The following SLC30A8 variants were observed in gnomAD, a reference collection of about 807,000 sequenced individuals.
SLC30A8 encodes the protein solute carrier family 30 member 8, also known as proton-coupled zinc antiporter SLC30A8.
A neutral mutation model predicts 36.9 loss-of-function variants in SLC30A8; 27 were observed. The ratio of observed to expected loss-of-function variants is 0.73; its 90% CI spans 0.54 to 1.01. The LOEUF (loss-of-function observed/expected upper bound fraction) is 1.01. Ranked by LOEUF, SLC30A8 falls within the 50% of genes least tolerant of loss-of-function variation. The probability of loss-of-function intolerance (pLI) is 0.00; values close to 1 mark genes in which losing one functional copy is unlikely to be tolerated. For synonymous variants in SLC30A8, 164 were observed against 172.4 expected, an observed-to-expected ratio of 0.95 and a Z score of 0.38; for missense variants, 439 against 452.0, an observed-to-expected ratio of 0.97 and a Z score of 0.26.
At chr8:117,116,665 G>T (rs531999189) in intron 2 of SLC30A8, among the ~76,000 whole-genome samples, 1 of 151,986 alleles carries the variant, frequency 6.6e-6, no homozygotes, top group African/African-American at 2.4e-5. Flanking sequence ...TCCCAAACTG[G>T]TAGGTAACCT....
chr8:117,107,565 A>G (rs1402383756), intron 2 of SLC30A8, among the ~76,000 whole-genome samples: 7 of 152,200 alleles, frequency 4.6e-5, no homozygotes, highest in South Asian at 2.1e-4. Flanking sequence ...AGACGATACT[A>G]TCTCTTGGTG....
chr8:117,053,724 T>C (rs1337679735), intron 2 of SLC30A8, among the ~76,000 whole-genome samples: 11 of 152,180 alleles, frequency 7.2e-5, no homozygotes, highest in Non-Finnish European at 1.6e-4. Flanking sequence ...ATGAAAGCAA[T>C]GCATGCATAG....
chr8:116,963,181 A>G (rs1438831955), intron 1 of SLC30A8, among the ~76,000 whole-genome samples: 2 of 152,160 alleles, frequency 1.3e-5, no homozygotes, highest in East Asian at 3.8e-4. Flanking sequence ...CTAGAACCCA[A>G]GGCCCGTGAG....
intron 2 of SLC30A8, among the ~76,000 whole-genome samples, chr8:117,060,100 A>C (rs967615984): frequency 6.6e-6 from 1 of 152,126 alleles, no homozygotes; most frequent in Non-Finnish European, 1.5e-5. Context: ...GGAGATAATG[A>C]GTTTGGAGTG....
chr8:117,062,227 G>C (rs1046144394), intron 2 of SLC30A8, among the ~76,000 whole-genome samples: 7 of 152,164 alleles, frequency 4.6e-5, no homozygotes, highest in South Asian at 2.1e-4. Context: ...TGTCAAGAAT[G>C]GCATGTGTGT....
At chr8:117,139,859 TAAAAA>T (rs61537395) in intron 1 of SLC30A8, among the ~76,000 whole-genome samples, 1 of 109,728 alleles carries the variant, frequency 9.1e-6, no homozygotes, top group South Asian at 2.7e-4. Flanking sequence ...CAACATCTGG[TAAAAA>T]AAAAAAAAAA....
At chr8:116,968,982 G>A (rs755042317) in intron 1 of SLC30A8, among the ~76,000 whole-genome samples, 8 of 151,978 alleles carry the variant, frequency 5.3e-5, no homozygotes, top group East Asian at 1.9e-4. Flanking sequence ...TGATGTGCCC[G>A]CCTCAGTCTC....
At chr8:116,989,813 T>C (rs1368567181) in intron 1 of SLC30A8, among the ~76,000 whole-genome samples, 1 of 152,214 alleles carries the variant, frequency 6.6e-6, no homozygotes, top group African/African-American at 2.4e-5. Context: ...AACAACTTCT[T>C]CCTGGGCCCA....
intron 1 of SLC30A8, among the ~76,000 whole-genome samples, chr8:117,003,797 T>C (rs1816089337): frequency 6.6e-6 from 1 of 152,220 alleles, no homozygotes; most frequent in African/African-American, 2.4e-5. Flanking sequence ...CGATAATTCA[T>C]TGGCAGAGTG....
intron 2 of SLC30A8, among the ~76,000 whole-genome samples, chr8:117,103,718 A>G (rs749415547): frequency 6.6e-6 from 1 of 152,090 alleles, no homozygotes; most frequent in African/African-American, 2.4e-5. Flanking sequence ...CAAGCAATCC[A>G]TCAGCCTCCC....
chr8:117,133,667 T>C (rs138968000), upstream of SLC30A8, among the ~76,000 whole-genome samples: 511 of 152,130 alleles, frequency 3.4e-3, 3 homozygotes, highest in African/African-American at 7.7e-3. Flanking sequence ...TAGAAACTAT[T>C]CACAAATGAT....
At chr8:117,065,810 A>G (rs1818151294) in intron 2 of SLC30A8, among the ~76,000 whole-genome samples, 1 of 152,198 alleles carries the variant, frequency 6.6e-6, no homozygotes, top group Admixed American at 6.5e-5. Flanking sequence ...CTTGAAAAGT[A>G]AGTGAGTAGA....
At chr8:117,015,324 T>C (rs1816480700) in intron 1 of SLC30A8, among the ~76,000 whole-genome samples, 1 of 152,170 alleles carries the variant, frequency 6.6e-6, no homozygotes, top group South Asian at 2.1e-4. Flanking sequence ...CCCATTCTTA[T>C]AGTTTCCCTC....
At chr8:116,955,971 A>G (rs1164536980) in intron 1 of SLC30A8, among the ~76,000 whole-genome samples, 2 of 152,312 alleles carry the variant, frequency 1.3e-5, no homozygotes, top group East Asian at 1.9e-4. Context: ...CAAACAGGAA[A>G]AAATGGAAAA....
intron 2 of SLC30A8, among the ~76,000 whole-genome samples, chr8:117,107,667 A>G (rs1820049917): frequency 6.6e-6 from 1 of 152,190 alleles, no homozygotes; most frequent in Non-Finnish European, 1.5e-5. Flanking sequence ...GAGGTGAGTC[A>G]TCCATCCATT....
chr8:117,125,283 C>G (rs1451490368), intron 2 of SLC30A8, among the ~76,000 whole-genome samples: 1 of 151,916 alleles, frequency 6.6e-6, no homozygotes. Flanking sequence ...TTTTCATTTA[C>G]TCCATTCTTT....
At chr8:116,967,628 C>A (rs926546949) in intron 1 of SLC30A8, among the ~76,000 whole-genome samples, 1 of 152,094 alleles carries the variant, frequency 6.6e-6, no homozygotes, top group Admixed American at 6.6e-5. Flanking sequence ...TGAACCAAGT[C>A]CTTAAATAAA....
Position 117,152,973 on chromosome 8 carries a change from G to T in SLC30A8, c.301G>T (p.Val101Phe), listed in dbSNP as rs1300407122. 2 of 1,611,950 alleles carry T rather than the reference G, an allele frequency of 1.2e-6. No homozygotes were observed. The highest frequency in any genetic ancestry group is 1.7e-5 in the Admixed American group (1 of 59,968). ...GCACATTGCTGGGAGTCTTGCTGTT[G>T]TCACAGATGCTGCCCACCTCTTAAT... ...GGHIAGSLAV[V>F]TDAAHLLIDL... Residue 101 changes from valine to phenylalanine, a missense_variant, in exon 3 of 8, where the codon GTC becomes TTC. Transcript: ENST00000456015.
At chr8:117,012,415 T>TA (rs962394235) in intron 1 of SLC30A8, among the ~76,000 whole-genome samples, 6 of 148,932 alleles carry the variant, frequency 4.0e-5, no homozygotes, top group South Asian at 2.1e-4. Context: ...TTGAAAATAT[T>TA]AAAAAAAAAA....
Sources: gnomAD v4.1 joint callset for allele counts (sites outside exome capture counted in the v4.1 genomes callset) on GRCh38, gnomAD v4.1.1 for gene constraint, MANE v1.5 for transcripts, NCBI Gene and HGNC (gene_info 2026-07-23, HGNC 2026-07-21) for gene names.